Variants in CERS3 observed in about 807,000 individuals in gnomAD.
The protein encoded by CERS3 is LAG1 homolog, ceramide synthase 3.
In CERS3, 33 loss-of-function variants were observed where a neutral mutation model predicts 50.3. The observed-to-expected ratio is 0.66, with a 90% CI of 0.50 to 0.88. The LOEUF (loss-of-function observed/expected upper bound fraction) is 0.88, where lower values mean the gene tolerates loss of function less well. Ranked by LOEUF, CERS3 falls within the 40% of genes least tolerant of loss-of-function variation. The pLI, the probability that CERS3 is intolerant of heterozygous loss-of-function variation, is 0.00. For synonymous variants in CERS3, 176 were observed against 155.2 expected (o/e 1.13, Z -0.99); for missense variants, 470 against 460.3 (o/e 1.02, Z -0.19).
chr15:100,456,532 T>G (rs1217901246), intron 10 of CERS3, among the ~76,000 whole-genome samples: 1 of 152,228 alleles, frequency 6.6e-6, no homozygotes, highest in Admixed American at 6.5e-5. Flanking sequence ...AAAAATTCCA[T>G]GAGTACTTAA....
chr15:100,410,032 T>A (rs931387487), intron 11 of CERS3, among the ~76,000 whole-genome samples: 1 of 152,178 alleles, frequency 6.6e-6, no homozygotes, highest in Non-Finnish European at 1.5e-5. Context: ...CAGAGCATAT[T>A]GCTCTTCTGA....
At position 100,484,615 on chromosome 15, in the gene CERS3, T is replaced by A; in HGVS notation, c.342A>T (p.Glu114Asp). ...KKCNLTERQV[E>D]RWFRSRRNQE... ...GATTCCGCCGACTCCTAAACCATCT[T>A]TCCACCTGGCGCTCCGTCAAGTTAC... Residue 114 changes from glutamate to aspartate, a missense_variant, in exon 5 of 12, where the codon GAA becomes GAT. Transcript: ENST00000679737. The A allele has an allele frequency of 6.2e-7, 1 of 1,614,190 alleles. No homozygotes were observed. The highest frequency in any genetic ancestry group is 1.1e-5 in the South Asian group (1 of 91,090).
At chr15:100,440,145 G>A (rs1406087874) in intron 11 of CERS3, among the ~76,000 whole-genome samples, 9 of 152,168 alleles carry the variant, frequency 5.9e-5, no homozygotes, top group Non-Finnish European at 2.9e-5. Flanking sequence ...GCTCAGTCCA[G>A]GGCCTTTCCT....
chr15:100,540,998 C>T (rs142958787), intron 1 of CERS3, among the ~76,000 whole-genome samples: 4 of 152,214 alleles, frequency 2.6e-5, no homozygotes, highest in East Asian at 1.9e-4. Flanking sequence ...ATAGAGAAAT[C>T]GCAGTGAACA....
intron 11 of CERS3, among the ~76,000 whole-genome samples, chr15:100,414,220 A>G (rs988186939): frequency 8.5e-5 from 13 of 152,182 alleles, no homozygotes; most frequent in African/African-American, 2.9e-4. Flanking sequence ...TATAGCTAAC[A>G]AGGGATGTGA....
chr15:100,540,989 T>C (rs8024149), intron 1 of CERS3, among the ~76,000 whole-genome samples: 76,128 of 152,028 alleles, frequency 0.5, 19,388 homozygotes, highest in South Asian at 0.6. Flanking sequence ...AGTCTAAAAA[T>C]AGAGAAATCG....
intron 11 of CERS3, among the ~76,000 whole-genome samples, chr15:100,434,755 A>C (rs957885551): frequency 2.6e-5 from 4 of 152,122 alleles, no homozygotes; most frequent in African/African-American, 9.7e-5. Flanking sequence ...ATTTATTAAC[A>C]GGCCACAAAC....
intron 11 of CERS3, among the ~76,000 whole-genome samples, chr15:100,417,951 C>A (rs1198928601): frequency 1.3e-5 from 2 of 151,958 alleles, no homozygotes; most frequent in Non-Finnish European, 2.9e-5. Context: ...CATCAAAGAC[C>A]AAAAGTAGAT....
At chr15:100,416,034 G>A (rs903415187) in intron 11 of CERS3, among the ~76,000 whole-genome samples, 5 of 152,070 alleles carry the variant, frequency 3.3e-5, no homozygotes, top group Admixed American at 2.6e-4. Context: ...GATAGGAAAA[G>A]TCAATATTGT....
chr15:100,442,676 G>C (rs1481615191), intron 11 of CERS3, among the ~76,000 whole-genome samples: 1 of 152,106 alleles, frequency 6.6e-6, no homozygotes, highest in Non-Finnish European at 1.5e-5. Context: ...AACTCACCTG[G>C]CAGCCACTCC....
At chr15:100,447,668 A>C (rs1263434795) in intron 11 of CERS3, among the ~76,000 whole-genome samples, 1 of 152,258 alleles carries the variant, frequency 6.6e-6, no homozygotes, top group African/African-American at 2.4e-5. Flanking sequence ...CTCAAACTCC[A>C]TCACTCAATG....
intron 9 of CERS3, 56 bp from the exon 10 acceptor site, chr15:100,469,540 T>A: frequency 1.7e-6 from 2 of 1,211,346 alleles, no homozygotes; most frequent in Non-Finnish European, 1.2e-6. Context: ...TTTTTAAAGT[T>A]AAATTTATAA....
chr15:100,462,532 G>A (rs2034583663), intron 10 of CERS3, among the ~76,000 whole-genome samples: 1 of 152,154 alleles, frequency 6.6e-6, no homozygotes, highest in Admixed American at 6.5e-5. Context: ...CTAAATGACT[G>A]GGTAGTTGAA....
upstream of CERS3, among the ~76,000 whole-genome samples, chr15:100,532,705 G>A (rs76063286): frequency 1.2e-3 from 186 of 152,252 alleles, 3 homozygotes; most frequent in East Asian, 0.015. Flanking sequence ...GTTGCAGTGA[G>A]CTGTAATCGG....
Position 100,480,145 on chromosome 15 carries a change from C to G in CERS3, c.408-99G>C. On this transcript the variant is annotated intron_variant, in intron 5 of 11. Transcript: ENST00000679737. ...GCAGATTTTACAAAGAACACACATT[C>G]TGGAGTCAGACAAATCAAAGTTTCT... is the stretch of plus-strand genomic sequence containing the variant. 4.6e-6 allele frequency: 4 copies of G among 862,128 alleles called. No homozygotes were observed. In the South Asian group the frequency reaches 6.0e-5, roughly 13 times the overall value. 53.4% of individuals were successfully genotyped at this position (862,128 alleles called of 1,614,324 possible).
chr15:100,516,242 C>T (rs1371212191), intron 2 of CERS3, among the ~76,000 whole-genome samples: 1 of 152,144 alleles, frequency 6.6e-6, no homozygotes, highest in Admixed American at 6.5e-5. Context: ...ATAAAAATAA[C>T]AAACCAAAAT....
intron 1 of CERS3, among the ~76,000 whole-genome samples, chr15:100,526,840 G>A (rs1364170102): frequency 6.6e-6 from 1 of 152,104 alleles, no homozygotes; most frequent in Admixed American, 6.6e-5. Flanking sequence ...AGAAATCACT[G>A]CAAAATGGGG....
intron 11 of CERS3, among the ~76,000 whole-genome samples, chr15:100,404,660 T>C (rs186264783): frequency 2.0e-5 from 3 of 152,334 alleles, no homozygotes; most frequent in East Asian, 3.9e-4. Context: ...GGAACTCGAA[T>C]AGCTAAAGCA....
At chr15:100,445,821 G>A (rs1033970884) in intron 11 of CERS3, among the ~76,000 whole-genome samples, 4 of 152,004 alleles carry the variant, frequency 2.6e-5, no homozygotes, top group African/African-American at 7.2e-5. Flanking sequence ...CTGAGCCCAG[G>A]CTAAGCCATC....
Sources: gnomAD v4.1 joint callset for allele counts (sites outside exome capture counted in the v4.1 genomes callset) on GRCh38, gnomAD v4.1.1 for gene constraint, MANE v1.5 for transcripts, NCBI Gene and HGNC (gene_info 2026-07-23, HGNC 2026-07-21) for gene names.